The following PTCHD4 variants were observed in gnomAD, a reference collection of about 807,000 sequenced individuals.
PTCHD4 encodes the protein patched domain-containing protein 4.
A neutral mutation model predicts 58.1 loss-of-function variants in PTCHD4; 33 were observed. The observed-to-expected ratio is 0.57, with a 90% CI of 0.43 to 0.76. The LOEUF (loss-of-function observed/expected upper bound fraction) is 0.76, where lower values mean the gene tolerates loss of function less well. Ranked by LOEUF, PTCHD4 falls within the 30% of genes least tolerant of loss-of-function variation. The probability of loss-of-function intolerance (pLI) is 0.00; values close to 1 mark genes in which losing one functional copy is unlikely to be tolerated. For synonymous variants in PTCHD4, 478 were observed against 409.6 expected, an observed-to-expected ratio of 1.17 and a Z score of -2.02; for missense variants, 1,058 against 1,027.1, an observed-to-expected ratio of 1.03 and a Z score of -0.41.
At chr6:47,928,607 T>G (rs536605186) in intron 4 of PTCHD4, among the ~76,000 whole-genome samples, 1 of 152,230 alleles carries the variant, frequency 6.6e-6, no homozygotes, top group Non-Finnish European at 1.5e-5. Context: ...CTCCCAACCA[T>G]GAAGAATTGA....
chr6:47,903,980 G>A (rs1168973937), intron 4 of PTCHD4, among the ~76,000 whole-genome samples: 2 of 152,138 alleles, frequency 1.3e-5, no homozygotes, highest in Non-Finnish European at 2.9e-5. Flanking sequence ...ATTCCTGATA[G>A]AGAAAACCTC....
intron 3 of PTCHD4, among the ~76,000 whole-genome samples, chr6:48,012,438 T>C (rs1020622668): frequency 7.2e-5 from 11 of 152,328 alleles, no homozygotes; most frequent in Middle Eastern, 3.4e-3. Flanking sequence ...CCTGAGACTA[T>C]GCTGAAGTTG....
At position 47,877,836 on chromosome 6, in the gene PTCHD4, C is replaced by T. The variant is rs1349444002; in HGVS notation, c.*467G>A. Among the ~76,000 whole-genome samples, 1 of 151,950 alleles carries T rather than the reference C, an allele frequency of 6.6e-6. No individual in the cohort carries two copies. Among genetic ancestry groups the T allele is most frequent in the African/African-American group, 2.4e-5 (1 of 41,386 alleles). ...GGATTGGGAAGTCCTTTGGTTTAGACAGTATTAAATATGTACTTCCCAAGT... is the reference window on the plus strand; with the variant it reads ...GGATTGGGAAGTCCTTTGGTTTAGATAGTATTAAATATGTACTTCCCAAGT... On this transcript the variant is annotated 3_prime_UTR_variant, in exon 5 of 5. Coordinates refer to ENST00000339488, the MANE Select transcript of PTCHD4 (RefSeq NM_001384253.1).
At chr6:48,027,908 G>T (rs1043420046) in intron 3 of PTCHD4, among the ~76,000 whole-genome samples, 6 of 151,960 alleles carry the variant, frequency 3.9e-5, no homozygotes, top group Non-Finnish European at 7.4e-5. Context: ...TATATAAAAA[G>T]CAGGCAAGGA....
chr6:48,106,362 C>A (rs575997058), intron 1 of PTCHD4, among the ~76,000 whole-genome samples: 1 of 152,162 alleles, frequency 6.6e-6, no homozygotes, highest in African/African-American at 2.4e-5. Context: ...ACATGATTAT[C>A]TCAATAGATG....
intron 4 of PTCHD4, among the ~76,000 whole-genome samples, chr6:47,952,052 C>T (rs143618054): frequency 1.8e-4 from 27 of 152,068 alleles, no homozygotes; most frequent in South Asian, 8.3e-4. Flanking sequence ...TAGGAGAGGA[C>T]GGCTCAGAGA....
chr6:48,081,815 T>G (rs777056842), intron 1 of PTCHD4, among the ~76,000 whole-genome samples: 9 of 152,210 alleles, frequency 5.9e-5, no homozygotes, highest in Non-Finnish European at 1.3e-4. Flanking sequence ...TTAGCTATGT[T>G]GAATGTTTAC....
chr6:47,890,137 GTGTT>G (rs1453586558), intron 4 of PTCHD4, among the ~76,000 whole-genome samples: 2 of 151,720 alleles, frequency 1.3e-5, no homozygotes, highest in Non-Finnish European at 2.9e-5. Context: ...ATATGTGTGT[GTGTT>G]TATGTATGCA....
rs145572700 is a variant in PTCHD4 at position 48,083,994 on chromosome 6, G to A, written c.-969-14068C>T. Among the ~76,000 whole-genome samples, 246 of 152,142 alleles carry A rather than the reference G, an allele frequency of 1.6e-3. 6 individuals are homozygous for A. The highest frequency in any genetic ancestry group is 0.011 in the East Asian group (58 of 5,180). On this transcript the variant is annotated intron_variant, in intron 1 of 4. Coordinates refer to ENST00000339488, the MANE Select transcript of PTCHD4 (RefSeq NM_001384253.1). The stretch of plus-strand genomic sequence containing the variant: ...TAAATATCTGTGAGATAATAAATGG[G>A]AGTTGTAAGCCACTAAGTCTGTGGT...
intron 4 of PTCHD4, among the ~76,000 whole-genome samples, chr6:47,897,343 T>C (rs1048869081): frequency 1.3e-5 from 2 of 152,202 alleles, no homozygotes; most frequent in African/African-American, 4.8e-5. Flanking sequence ...CCTGCACTAC[T>C]TGTATAACAG....
At position 48,079,970 on chromosome 6, in the gene PTCHD4, ATTTTTTT is replaced by A. The variant is rs141629864; in HGVS notation, c.-969-10051_-969-10045del. ...ATTCAAAACCCTGCCCCTTATGATG[ATTTTTTT>A]TTTTTTTTTTTTTTTTTTTTTTGCC... On this transcript the variant is annotated intron_variant, in intron 1 of 4. Transcript: ENST00000339488. Among the ~76,000 whole-genome samples, 280 of 76,110 alleles carry A rather than the reference ATTTTTTT, an allele frequency of 3.7e-3. 1 individual carries two copies. Among genetic ancestry groups the A allele is most frequent in the African/African-American group, 0.012 (251 of 21,006 alleles). 49.9% of individuals were successfully genotyped at this position (76,110 alleles called of 152,430 possible).
At chr6:47,942,580 G>C (rs184989264) in intron 4 of PTCHD4, among the ~76,000 whole-genome samples, 1 of 152,272 alleles carries the variant, frequency 6.6e-6, no homozygotes, top group African/African-American at 2.4e-5. Flanking sequence ...GTTCAAGTTT[G>C]GGAAAATTTG....
At chr6:48,050,091 G>T (rs2114168078) in intron 3 of PTCHD4, among the ~76,000 whole-genome samples, 1 of 151,992 alleles carries the variant, frequency 6.6e-6, no homozygotes, top group African/African-American at 2.4e-5. Context: ...ATTCTACATT[G>T]TTAATAGAAA....
intron 3 of PTCHD4, among the ~76,000 whole-genome samples, chr6:48,013,912 T>TA (rs1762779672): frequency 6.6e-6 from 1 of 152,130 alleles, no homozygotes; most frequent in Non-Finnish European, 1.5e-5. Flanking sequence ...AGGGTGCTGA[T>TA]AATGTATCTG....
intron 1 of PTCHD4, among the ~76,000 whole-genome samples, chr6:48,077,050 T>G (rs1349802661): frequency 2.0e-5 from 3 of 152,234 alleles, no homozygotes; most frequent in Admixed American, 1.3e-4. Context: ...TCAGGCCATA[T>G]TTAGTCTGCT....
intron 4 of PTCHD4, among the ~76,000 whole-genome samples, chr6:47,960,437 C>T (rs540505625): frequency 6.6e-6 from 1 of 151,808 alleles, no homozygotes; most frequent in African/African-American, 2.4e-5. Context: ...AAATGCAAGA[C>T]CTAACTGTAT....
At chr6:48,106,009 T>C (rs966256948) in intron 1 of PTCHD4, among the ~76,000 whole-genome samples, 1 of 152,170 alleles carries the variant, frequency 6.6e-6, no homozygotes, top group Non-Finnish European at 1.5e-5. Flanking sequence ...CACAGCCAAA[T>C]TCTACCATAG....
chr6:47,927,883 A>G (rs568328605), intron 4 of PTCHD4, among the ~76,000 whole-genome samples: 4 of 152,046 alleles, frequency 2.6e-5, no homozygotes, highest in Admixed American at 2.0e-4. Flanking sequence ...TCGGCCTTCT[A>G]AAGTGCTGGG....
Position 48,008,911 on chromosome 6 carries a change from T to C in PTCHD4, c.621A>G (p.Gln207=), listed in dbSNP as rs542978735. 1 of 1,614,028 alleles carries C rather than the reference T, an allele frequency of 6.2e-7. No individual in the cohort carries two copies. Among genetic ancestry groups the C allele is most frequent in the Admixed American group, 1.7e-5 (1 of 60,008 alleles). Reference sequence around the variant, plus strand: ...ATGCTAAAGAGTAGAGCTGGAGTTCTTGATGCTCCTCCTGGAGCTTCCTTA... The same window carrying C: ...ATGCTAAAGAGTAGAGCTGGAGTTCCTGATGCTCCTCCTGGAGCTTCCTTA... ...KLIRKLQEEH[Q]ELQLYSLASF... Residue 207 remains glutamine, a synonymous_variant, in exon 4 of 5, where the codon CAA becomes CAG. Coordinates refer to ENST00000339488, the MANE Select transcript of PTCHD4 (RefSeq NM_001384253.1).
Sources: gnomAD v4.1 joint callset for allele counts (sites outside exome capture counted in the v4.1 genomes callset) on GRCh38, gnomAD v4.1.1 for gene constraint, MANE v1.5 for transcripts, NCBI Gene and HGNC (gene_info 2026-07-23, HGNC 2026-07-21) for gene names.